The following RAD54B variants were observed in gnomAD, a reference collection of about 807,000 sequenced individuals.
RAD54B encodes RAD54 homolog B.
Under a neutral mutation model 95.8 loss-of-function variants are expected in RAD54B, and 78 were observed. That is an observed-to-expected ratio of 0.81 (90% CI 0.68 to 0.98). The LOEUF (loss-of-function observed/expected upper bound fraction) is 0.98, where lower values mean the gene tolerates loss of function less well. RAD54B is among the 50% of genes least tolerant of loss of function. RAD54B has a pLI of 0.00. For missense variants in RAD54B, 957 were observed against 1,056.6 expected, an observed-to-expected ratio of 0.91 and a Z score of 1.31; for synonymous variants, 328 against 354.9, an observed-to-expected ratio of 0.92 and a Z score of 0.85.
intron 3 of RAD54B, among the ~76,000 whole-genome samples, chr8:94,441,758 C>T (rs961837711): frequency 1.3e-5 from 2 of 152,180 alleles, no homozygotes; most frequent in Admixed American, 1.3e-4. Context: ...TGGTCTTTCA[C>T]GTAACCAACT....
chr8:94,420,802 T>C (rs1811787788), intron 3 of RAD54B, among the ~76,000 whole-genome samples: 1 of 151,770 alleles, frequency 6.6e-6, no homozygotes, highest in Non-Finnish European at 1.5e-5. Context: ...TTGGCCAACA[T>C]GGTGAAACCC....
Position 94,473,109 on chromosome 8 carries a change from C to T in RAD54B, c.-17+1892G>A, listed in dbSNP as rs115300951. ...CCAAAAGACCATTGCACCCTTATAG[C>T]TTTTTAAACTGGTTCTGTATGTTCA... On this transcript the variant is annotated intron_variant, in intron 1 of 14. Transcript: ENST00000336148. 3.3e-3 allele frequency among the ~76,000 whole-genome samples: 500 copies of T among 152,212 alleles called. 3 individuals carry two copies. The highest frequency in any genetic ancestry group is 0.012 in the African/African-American group (482 of 41,512).
At chr8:94,472,353 G>A (rs10095298) in intron 1 of RAD54B, among the ~76,000 whole-genome samples, 47,385 of 151,958 alleles carry the variant, frequency 0.31, 7,867 homozygotes, top group East Asian at 0.43. Flanking sequence ...ATTGATTAAC[G>A]GTAACTGTCA....
chr8:94,427,367 T>C (rs1481428262), intron 3 of RAD54B, among the ~76,000 whole-genome samples: 3 of 152,018 alleles, frequency 2.0e-5, no homozygotes, highest in Admixed American at 6.6e-5. Flanking sequence ...TAAAAATATA[T>C]TGAACAATTT....
rs142579420 is a variant in RAD54B, at chr8:94,414,000, T to C, written c.305-2685A>G. On this transcript the variant is annotated intron_variant, in intron 3 of 14. Coordinates refer to ENST00000336148, the MANE Select transcript of RAD54B (RefSeq NM_012415.3). ...ACAGGCGCCCACCACCATGCTCAGCTGATTTTTGTACTTTTAGCAGAGACG... is the reference window on the plus strand; with the variant it reads ...ACAGGCGCCCACCACCATGCTCAGCCGATTTTTGTACTTTTAGCAGAGACG... Among the ~76,000 whole-genome samples, 175 of 152,080 alleles carry C rather than the reference T, an allele frequency of 1.2e-3. 2 individuals are homozygous for C. In the East Asian group the frequency reaches 0.027, roughly 24 times the overall value.
chr8:94,400,377 T>C lies in RAD54B; in HGVS notation c.1031A>G (p.Gln344Arg), dbSNP rs775121036. 3 of 1,613,868 alleles carry C rather than the reference T, an allele frequency of 1.9e-6. No individual in the cohort carries two copies. Among genetic ancestry groups the C allele is most frequent in the Non-Finnish European group, 2.5e-6 (3 of 1,179,916 alleles). The change falls in exon 7 of 15, where the codon CAG becomes CGG. Residue 344 changes from glutamine (Q) to arginine (R), a missense_variant. Transcript: ENST00000336148. ...LQCISLIWTL[Q>R]CQGPYGGKPV... ...CTTGCCTCCATAGGGTCCCTGACACTGCAGGGTCCAGATGAGCGAAATACA... is the reference window on the plus strand; with the variant it reads ...CTTGCCTCCATAGGGTCCCTGACACCGCAGGGTCCAGATGAGCGAAATACA...
At chr8:94,440,454 A>T (rs1812372134) in intron 3 of RAD54B, among the ~76,000 whole-genome samples, 1 of 152,224 alleles carries the variant, frequency 6.6e-6, no homozygotes, top group African/African-American at 2.4e-5. Flanking sequence ...TATCATGGAT[A>T]TACTTGTTAA....
chr8:94,385,925 A>T (rs1269837125), intron 11 of RAD54B, among the ~76,000 whole-genome samples: 1 of 152,164 alleles, frequency 6.6e-6, no homozygotes, highest in Non-Finnish European at 1.5e-5. Flanking sequence ...ATGAGGCTGG[A>T]AAAGGAGGCA....
At chr8:94,470,881 ACT>A (rs1157101318) in intron 1 of RAD54B, among the ~76,000 whole-genome samples, 8 of 151,806 alleles carry the variant, frequency 5.3e-5, no homozygotes, top group African/African-American at 7.3e-5. Context: ...ACAACAGAAC[ACT>A]CTCTTCATAT....
At chr8:94,397,328 T>C (rs1811171859) in intron 8 of RAD54B, among the ~76,000 whole-genome samples, 2 of 152,158 alleles carry the variant, frequency 1.3e-5, no homozygotes, top group South Asian at 4.1e-4. Context: ...ATTCAGGCAA[T>C]TCTAAGAATA....
chr8:94,378,781 G>A (rs1586117764), intron 12 of RAD54B, 147 bp from the exon 13 acceptor site: 1 of 601,426 alleles, frequency 1.7e-6, no homozygotes, highest in Non-Finnish European at 2.9e-6. Context: ...TGTGAAGCAT[G>A]CCCTACTTCA....
intron 3 of RAD54B, chr8:94,428,458 T>C (rs1337723273): frequency 1.5e-5 from 5 of 338,130 alleles, no homozygotes; most frequent in Non-Finnish European, 1.7e-5. Context: ...TGTATTCACA[T>C]ACAATTTACA....
chr8:94,388,219 C>T (rs1810938063), intron 10 of RAD54B, among the ~76,000 whole-genome samples: 1 of 152,166 alleles, frequency 6.6e-6, no homozygotes. Context: ...ACCCCTGATA[C>T]AGCAAGGCCA....
At chr8:94,462,769 C>A (rs1421575463) in intron 2 of RAD54B, among the ~76,000 whole-genome samples, 1 of 152,000 alleles carries the variant, frequency 6.6e-6, no homozygotes, top group Non-Finnish European at 1.5e-5. Context: ...TTCAAAAATG[C>A]CCCACTTCAG....
intron 14 of RAD54B, among the ~76,000 whole-genome samples, chr8:94,375,141 G>A (rs114237711): frequency 0.012 from 1,788 of 152,218 alleles, 41 homozygotes; most frequent in African/African-American, 0.041. Flanking sequence ...AATTACAAAT[G>A]TACACATTCT....
chr8:94,463,268 T>TAA (rs537405630), intron 2 of RAD54B, among the ~76,000 whole-genome samples: 81 of 123,542 alleles, frequency 6.6e-4, no homozygotes, highest in African/African-American at 1.8e-3. Flanking sequence ...GACTTCACCT[T>TAA]AAAAAAAAAA....
chr8:94,435,248 T>G (rs1399865984), intron 3 of RAD54B, among the ~76,000 whole-genome samples: 1 of 152,108 alleles, frequency 6.6e-6, no homozygotes, highest in Non-Finnish European at 1.5e-5. Context: ...GCCCCAAGAA[T>G]TAATCCACTG....
At chr8:94,396,125 T>C (rs1811137742) in intron 8 of RAD54B, among the ~76,000 whole-genome samples, 1 of 152,006 alleles carries the variant, frequency 6.6e-6, no homozygotes, top group Non-Finnish European at 1.5e-5. Flanking sequence ...AAGGGGAATA[T>C]GGCTACAAGA....
At chr8:94,467,313 G>A in intron 2 of RAD54B, 92 bp downstream of exon 2, 3 of 1,120,826 alleles carry the variant, frequency 2.7e-6, no homozygotes, top group Non-Finnish European at 3.7e-6. Context: ...AATTCCTACA[G>A]GCAGAAAATA....
Sources: allele counts gnomAD v4.1 joint callset (sites outside exome capture counted in the v4.1 genomes callset), GRCh38; gene constraint gnomAD v4.1.1; transcripts MANE v1.5; gene names NCBI Gene and HGNC (gene_info 2026-07-23, HGNC 2026-07-21).